The following TRIM9 variants were observed in gnomAD, a reference collection of about 807,000 sequenced individuals.
The protein encoded by TRIM9 is tripartite motif containing 9.
A neutral mutation model predicts 78.3 loss-of-function variants in TRIM9; 26 were observed. That is an observed-to-expected ratio of 0.33 (90% CI 0.24 to 0.46). The LOEUF (loss-of-function observed/expected upper bound fraction) is 0.46. Ranked by LOEUF, TRIM9 falls within the 20% of genes least tolerant of loss-of-function variation. The probability of loss-of-function intolerance (pLI) is 1.00; values close to 1 mark genes in which losing one functional copy is unlikely to be tolerated. For synonymous variants in TRIM9, 398 were observed against 416.5 expected, an observed-to-expected ratio of 0.96 and a Z score of 0.54; for missense variants, 787 against 1,036.4, an observed-to-expected ratio of 0.76 and a Z score of 3.30.
intron 11 of TRIM9, among the ~76,000 whole-genome samples, chr14:50,980,059 A>T (rs543895744): frequency 6.6e-6 from 1 of 152,230 alleles, no homozygotes; most frequent in Non-Finnish European, 1.5e-5. Flanking sequence ...CTTTTGTTGC[A>T]CCTAAACCAC....
chr14:51,022,924 C>T lies in TRIM9; in HGVS notation c.952G>A (p.Ala318Thr), dbSNP rs2139774732. The T allele has an allele frequency of 6.2e-7, 1 of 1,614,134 alleles. No homozygotes were observed. The highest frequency in any genetic ancestry group is 2.2e-5 in the East Asian group (1 of 44,886). ...NSVEFEACLV[A>T]QCDALIDALN... ...GCATCGATGAGGGCATCACATTGGG[C>T]CACCAGACAGGCTTCAAACTCCACA... Residue 318 changes from alanine (A) to threonine (T), a missense_variant, in exon 3 of 13, where the codon GCC becomes ACC. Ala to Thr is a moderately conservative substitution (Grantham distance 58). Coordinates refer to ENST00000684578, the MANE Select transcript of TRIM9 (RefSeq NM_001387360.1).
At chr14:51,077,792 A>C (rs1386382880) in intron 1 of TRIM9, among the ~76,000 whole-genome samples, 6 of 152,236 alleles carry the variant, frequency 3.9e-5, no homozygotes, top group Non-Finnish European at 7.3e-5. Context: ...TTCATATAGC[A>C]AGCCTTGTTT....
chr14:51,075,980 A>T (rs2062747678), intron 1 of TRIM9, among the ~76,000 whole-genome samples: 1 of 152,182 alleles, frequency 6.6e-6, no homozygotes. Flanking sequence ...TCACTGCTAT[A>T]TTCCCAATAC....
intron 7 of TRIM9, among the ~76,000 whole-genome samples, chr14:50,991,743 C>T (rs894825492): frequency 3.9e-5 from 6 of 152,146 alleles, no homozygotes; most frequent in Non-Finnish European, 7.3e-5. Context: ...CACAAAGGTA[C>T]TAATTGTAAA....
chr14:51,084,438 G>C (rs2063576845), intron 1 of TRIM9, among the ~76,000 whole-genome samples: 1 of 152,178 alleles, frequency 6.6e-6, no homozygotes, highest in Non-Finnish European at 1.5e-5. Flanking sequence ...GATGACACAA[G>C]GTAGTGTGTA....
chr14:51,088,670 G>A (rs114325591), intron 1 of TRIM9, among the ~76,000 whole-genome samples: 1,613 of 151,632 alleles, frequency 0.011, 31 homozygotes, highest in African/African-American at 0.035. Flanking sequence ...AAATCTCTTC[G>A]GCCTCTTTGT....
intron 12 of TRIM9, 187 bp downstream of exon 12, chr14:50,979,200 T>C (rs1480895343): frequency 2.8e-6 from 4 of 1,453,448 alleles, no homozygotes; most frequent in Middle Eastern, 2.5e-4. Flanking sequence ...ATAAAGAAGG[T>C]GCTTATGCTT....
intron 3 of TRIM9, among the ~76,000 whole-genome samples, chr14:51,013,557 T>A (rs975059320): frequency 2.0e-5 from 3 of 152,208 alleles, no homozygotes; most frequent in Non-Finnish European, 4.4e-5. Flanking sequence ...CTTTTAATAA[T>A]AATTAAAAAG....
intron 1 of TRIM9, among the ~76,000 whole-genome samples, chr14:51,028,724 C>T (rs1055489496): frequency 9.2e-5 from 14 of 152,124 alleles, no homozygotes; most frequent in African/African-American, 2.7e-4. Flanking sequence ...AAAGGTGTCA[C>T]GATCTGAAGG....
intron 1 of TRIM9, among the ~76,000 whole-genome samples, chr14:51,065,220 T>C (rs1382092169): frequency 6.6e-6 from 1 of 152,180 alleles, no homozygotes; most frequent in African/African-American, 2.4e-5. Flanking sequence ...TCAATATGTG[T>C]GAAATGTTCC....
rs761801607 is a variant in TRIM9 at position 51,094,626 on chromosome 14, G to A, written c.314C>T (p.Ala105Val). 5.6e-6 allele frequency: 9 copies of A among 1,608,026 alleles called. No individual in the cohort carries two copies. Among genetic ancestry groups the A allele is most frequent in the Non-Finnish European group, 7.7e-6 (9 of 1,176,300 alleles). Residue 105 changes from alanine to valine, a missense_variant, in exon 1 of 13, where the codon GCT becomes GTT. By Grantham distance (64) the Ala-to-Val change is moderately conservative. This residue lies in a region of TRIM9 where 352 missense variants were observed against 472.3 expected (regional missense o/e 0.75). Coordinates refer to ENST00000684578, the MANE Select transcript of TRIM9 (RefSeq NM_001387360.1). ...SPNGVRVFPP[A>V]MPPPATHLSP... is the part of the protein sequence containing the mutation. ...CAAGTGGGTGGCCGGTGGCGGCATA[G>A]CCGGGGGAAACACGCGGACGCCGTT...
chr14:50,992,942 C>A (rs1029948322), intron 7 of TRIM9, among the ~76,000 whole-genome samples: 1 of 152,180 alleles, frequency 6.6e-6, no homozygotes, highest in Non-Finnish European at 1.5e-5. Flanking sequence ...TGAGAGCCAG[C>A]CCTCTTTTCT....
chr14:51,077,795 C>T (rs1239390031), intron 1 of TRIM9, among the ~76,000 whole-genome samples: 1 of 152,180 alleles, frequency 6.6e-6, no homozygotes, highest in Non-Finnish European at 1.5e-5. Context: ...ATATAGCAAG[C>T]CTTGTTTCAG....
At chr14:51,086,955 G>A (rs767500958) in intron 1 of TRIM9, among the ~76,000 whole-genome samples, 1 of 152,024 alleles carries the variant, frequency 6.6e-6, no homozygotes, top group Non-Finnish European at 1.5e-5. Context: ...CAGCCAAAAT[G>A]AAGAAAACTC....
intron 5 of TRIM9, among the ~76,000 whole-genome samples, chr14:51,006,133 T>C (rs1453719631): frequency 1.3e-5 from 2 of 152,212 alleles, no homozygotes; most frequent in Non-Finnish European, 2.9e-5. Flanking sequence ...TGATTTTGAG[T>C]CAGAACTTTA....
intron 5 of TRIM9, among the ~76,000 whole-genome samples, chr14:51,007,213 A>AT (rs944071400): frequency 6.6e-6 from 1 of 151,766 alleles, no homozygotes; most frequent in Non-Finnish European, 1.5e-5. Context: ...TTTGTGACAT[A>AT]TTTTTTCCTT....
At chr14:51,020,618 C>T (rs566051673) in intron 3 of TRIM9, among the ~76,000 whole-genome samples, 13 of 152,358 alleles carry the variant, frequency 8.5e-5, no homozygotes, top group Admixed American at 6.5e-4. Flanking sequence ...GACATAGTCA[C>T]GCGATGTGGC....
At chr14:51,034,918 G>A (rs1206703167) in intron 1 of TRIM9, among the ~76,000 whole-genome samples, 1 of 152,132 alleles carries the variant, frequency 6.6e-6, no homozygotes, top group African/African-American at 2.4e-5. Context: ...CCATCTTGCT[G>A]GGTTGTATAA....
chr14:51,084,766 G>T (rs1239003283), intron 1 of TRIM9, among the ~76,000 whole-genome samples: 4 of 152,148 alleles, frequency 2.6e-5, no homozygotes, highest in African/African-American at 9.7e-5. Flanking sequence ...CTAGGTAATG[G>T]ACTATATATA....
Sources: gnomAD v4.1 joint callset for allele counts (sites outside exome capture counted in the v4.1 genomes callset) on GRCh38, gnomAD v4.1.1 for gene constraint, gnomAD v4.1.1 regional missense constraint, MANE v1.5 for transcripts, NCBI Gene and HGNC (gene_info 2026-07-23, HGNC 2026-07-21) for gene names.